Variants in COL24A1 observed in about 807,000 individuals in gnomAD.
COL24A1 encodes collagen alpha-1(XXIV) chain.
A neutral mutation model predicts 253.9 loss-of-function variants in COL24A1; 224 were observed. The observed-to-expected ratio is 0.88, with a 90% CI of 0.79 to 0.99. The LOEUF is 0.99. Among genes scored for constraint, COL24A1 ranks in the 50% least tolerant of loss-of-function variants. COL24A1 has a pLI of 0.00. For missense variants in COL24A1, 2,131 were observed against 2,068.5 expected (o/e 1.03, Z -0.59); for synonymous variants, 685 against 673.7 (o/e 1.02, Z -0.26).
At chr1:85,768,077 T>C (rs1667557592) in intron 53 of COL24A1, among the ~76,000 whole-genome samples, 1 of 152,128 alleles carries the variant, frequency 6.6e-6, no homozygotes, top group African/African-American at 2.4e-5. Flanking sequence ...GAAGACTTCT[T>C]TAAGATGGTA....
intron 38 of COL24A1, among the ~76,000 whole-genome samples, chr1:85,848,501 G>C (rs1401040442): frequency 1.3e-5 from 2 of 152,140 alleles, no homozygotes; most frequent in East Asian, 3.9e-4. Flanking sequence ...GCAGAGACAG[G>C]GTTTCACCAT....
At chr1:85,987,019 T>C (rs557519581) in intron 20 of COL24A1, among the ~76,000 whole-genome samples, 2 of 152,032 alleles carry the variant, frequency 1.3e-5, no homozygotes, top group African/African-American at 2.4e-5. Flanking sequence ...ACCATAGTGT[T>C]AAATAAAATC....
At chr1:86,053,128 C>A (rs1700432157) in intron 10 of COL24A1, among the ~76,000 whole-genome samples, 1 of 152,020 alleles carries the variant, frequency 6.6e-6, no homozygotes, top group Non-Finnish European at 1.5e-5. Flanking sequence ...GATACTAGAG[C>A]ATTTAGGATT....
chr1:85,889,115 T>G (rs1329903194), intron 32 of COL24A1, among the ~76,000 whole-genome samples: 1 of 152,140 alleles, frequency 6.6e-6, no homozygotes, highest in Admixed American at 6.5e-5. Context: ...ATGCAAGCTT[T>G]TGTACTGTTG....
chr1:86,132,810 G>A (rs1649485161), intron 2 of COL24A1, among the ~76,000 whole-genome samples: 1 of 152,100 alleles, frequency 6.6e-6, no homozygotes, highest in African/African-American at 2.4e-5. Context: ...GATGCCTCCA[G>A]CTTTGTTCTT....
At chr1:85,857,458 C>CAAAAAAAAAAAAAAGAA (rs1678565543) in intron 37 of COL24A1, among the ~76,000 whole-genome samples, 3 of 94,490 alleles carry the variant, frequency 3.2e-5, no homozygotes, top group African/African-American at 4.2e-5. Flanking sequence ...CCCTCTTCTC[C>CAAAAAAAAAAAAAAGAA]AAAAAAAAAA....
At chr1:85,994,259 G>A (rs992521727) in intron 19 of COL24A1, among the ~76,000 whole-genome samples, 2 of 151,796 alleles carry the variant, frequency 1.3e-5, no homozygotes, top group Non-Finnish European at 2.9e-5. Context: ...GCAAAGTTAT[G>A]CAAAGCCTTG....
chr1:85,822,297 G>A (rs1423996332), intron 45 of COL24A1, among the ~76,000 whole-genome samples: 2 of 152,074 alleles, frequency 1.3e-5, no homozygotes, highest in African/African-American at 2.4e-5. Context: ...TATGGGTGAA[G>A]GCTGCTTAAC....
chr1:85,830,110 G>T (rs1674996903), intron 43 of COL24A1, among the ~76,000 whole-genome samples: 1 of 152,030 alleles, frequency 6.6e-6, no homozygotes, highest in South Asian at 2.1e-4. Context: ...CGGTGTGGAT[G>T]TCCTTTCTGT....
At chr1:86,008,994 G>A (rs1024720317) in intron 19 of COL24A1, among the ~76,000 whole-genome samples, 15 of 151,890 alleles carry the variant, frequency 9.9e-5, no homozygotes, top group African/African-American at 2.2e-4. Flanking sequence ...AAAGACAACC[G>A]TTGTTGTTGA....
At chr1:86,118,958 T>C (rs1448769858) in intron 3 of COL24A1, among the ~76,000 whole-genome samples, 1 of 152,124 alleles carries the variant, frequency 6.6e-6, no homozygotes, top group Non-Finnish European at 1.5e-5. Flanking sequence ...AGGGGCCATA[T>C]CACATACCTG....
intron 53 of COL24A1, among the ~76,000 whole-genome samples, chr1:85,765,611 C>T (rs1438532880): frequency 2.0e-5 from 3 of 151,668 alleles, no homozygotes; most frequent in Non-Finnish European, 2.9e-5. Context: ...TGCAATGACA[C>T]GCACCTGTAG....
At chr1:85,755,473 C>A (rs1666134806) in intron 55 of COL24A1, among the ~76,000 whole-genome samples, 1 of 152,042 alleles carries the variant, frequency 6.6e-6, no homozygotes, top group African/African-American at 2.4e-5. Context: ...TTCCTGATTT[C>A]AAAACTTACT....
chr1:86,035,622 G>T (rs978162959), intron 12 of COL24A1, among the ~76,000 whole-genome samples: 1 of 151,994 alleles, frequency 6.6e-6, no homozygotes, highest in Admixed American at 6.6e-5. Flanking sequence ...TCTTTTGGGG[G>T]TGATGAAAAT....
chr1:85,969,438 C>T (rs1691902814), intron 22 of COL24A1, among the ~76,000 whole-genome samples: 1 of 151,538 alleles, frequency 6.6e-6, no homozygotes, highest in Admixed American at 6.6e-5. Context: ...AACCCCATCT[C>T]TACTAAAAAT....
chr1:85,862,270 T>A (rs1377414173), intron 37 of COL24A1, among the ~76,000 whole-genome samples: 1 of 152,194 alleles, frequency 6.6e-6, no homozygotes, highest in Non-Finnish European at 1.5e-5. Context: ...AGCAGAGTTC[T>A]TGGCTCATAG....
At chr1:86,044,951 AT>A (rs973361891) in intron 12 of COL24A1, among the ~76,000 whole-genome samples, 10 of 151,812 alleles carry the variant, frequency 6.6e-5, no homozygotes, top group Admixed American at 6.6e-5. Context: ...CAGATTAGTT[AT>A]TTTTTCTTAA....
At chr1:86,051,512 A>T (rs1399674681) in intron 10 of COL24A1, among the ~76,000 whole-genome samples, 1 of 152,130 alleles carries the variant, frequency 6.6e-6, no homozygotes, top group African/African-American at 2.4e-5. Context: ...ATCAGAATGA[A>T]ATGACACAGC....
At chr1:85,782,823 A>AT (rs547363192) in intron 51 of COL24A1, among the ~76,000 whole-genome samples, 3 of 151,984 alleles carry the variant, frequency 2.0e-5, no homozygotes, top group Non-Finnish European at 4.4e-5. Context: ...GAAGTTTTAA[A>AT]TTTTTTTTCA....
Sources: allele counts gnomAD v4.1 joint callset (sites outside exome capture counted in the v4.1 genomes callset), GRCh38; gene constraint gnomAD v4.1.1; transcripts MANE v1.5; gene names NCBI Gene and HGNC (gene_info 2026-07-23, HGNC 2026-07-21).